The following ETV5 variants were observed in gnomAD, a reference collection of about 807,000 sequenced individuals.
ETV5 encodes ETS variant transcription factor 5.
Under a neutral mutation model 70.0 loss-of-function variants are expected in ETV5, and 10 were observed. That is an observed-to-expected ratio of 0.14 (90% confidence interval 0.09 to 0.24). The LOEUF is 0.24. Among genes scored for constraint, ETV5 ranks in the 10% least tolerant of loss-of-function variants. The pLI, the probability that ETV5 is intolerant of heterozygous loss-of-function variation, is 1.00. For synonymous variants in ETV5, 216 were observed against 242.2 expected, an observed-to-expected ratio of 0.89 and a Z score of 1.01; for missense variants, 453 against 651.2, an observed-to-expected ratio of 0.70 and a Z score of 3.31.
chr3:186,103,723 GCAAT>G (rs2108445856), intron 5 of ETV5, among the ~76,000 whole-genome samples: 1 of 151,642 alleles, frequency 6.6e-6, no homozygotes, highest in East Asian at 1.9e-4. Context: ...TCACTCGAAA[GCAAT>G]CAAAGGGCAA....
chr3:186,108,337 C>T (rs770012638), intron 1 of ETV5: 22 of 483,790 alleles, frequency 4.5e-5, no homozygotes, highest in Non-Finnish European at 8.3e-5. Flanking sequence ...GCCGCACAGC[C>T]GGACGCCCTC....
chr3:186,096,916 C>T (rs1714316098), intron 5 of ETV5, among the ~76,000 whole-genome samples: 1 of 151,964 alleles, frequency 6.6e-6, no homozygotes, highest in South Asian at 2.1e-4. Context: ...TGTGGTGGCT[C>T]GAACCTGTAA....
intron 5 of ETV5, among the ~76,000 whole-genome samples, chr3:186,092,622 C>CG (rs1310913494): frequency 6.6e-6 from 1 of 151,332 alleles, no homozygotes; most frequent in African/African-American, 2.4e-5. Context: ...TTTAAAGAGA[C>CG]GGGGTCTCAC....
At chr3:186,095,110 C>T (rs954930674) in intron 5 of ETV5, 2 of 152,140 alleles carry the variant, frequency 1.3e-5, no homozygotes, top group Non-Finnish European at 2.9e-5. Flanking sequence ...TAATACTCAA[C>T]CTGTAGAAAT....
At chr3:186,061,089 C>A (rs771190444) in intron 9 of ETV5, among the ~76,000 whole-genome samples, 1 of 152,136 alleles carries the variant, frequency 6.6e-6, no homozygotes, top group Non-Finnish European at 1.5e-5. Flanking sequence ...CAAGTGAGTG[C>A]GAAGCAGCTA....
At chr3:186,093,518 G>A (rs542922517) in intron 5 of ETV5, among the ~76,000 whole-genome samples, 2 of 152,296 alleles carry the variant, frequency 1.3e-5, no homozygotes, top group East Asian at 3.9e-4. Flanking sequence ...CAGCCAGAGA[G>A]CAGAACCAGC....
In ETV5 at chr3:186,078,032, CGGGCA is replaced by C. The variant is rs1713839862; in HGVS notation, c.650+1780_650+1784del. 2.8e-6 allele frequency: 3 copies of C among 1,057,702 alleles called. No homozygotes were observed. The Admixed American group carries it at 1.6e-4, about 57-fold the overall frequency. 65.5% of individuals were successfully genotyped at this position (1,057,702 alleles called of 1,614,324 possible). A position where few individuals can be genotyped will look rare whatever the true frequency, so the allele number is the denominator to read the frequency against. Reference sequence around the variant, plus strand: ...CCTCCTCTCTTCCTTTCAACACCCACGGGCAAATAACTCATCAATCCCAGGAATCC... The same window carrying C: ...CCTCCTCTCTTCCTTTCAACACCCACAATAACTCATCAATCCCAGGAATCC... On this transcript the variant is annotated intron_variant, in intron 7 of 12. Transcript: ENST00000306376.
chr3:186,091,988 G>C (rs1714192984), intron 5 of ETV5, among the ~76,000 whole-genome samples: 1 of 152,196 alleles, frequency 6.6e-6, no homozygotes, highest in African/African-American at 2.4e-5. Context: ...AGATGAGGTT[G>C]TATCAAGTGT....
At chr3:186,060,363 A>T (rs1189186544) in intron 9 of ETV5, among the ~76,000 whole-genome samples, 1 of 152,228 alleles carries the variant, frequency 6.6e-6, no homozygotes, top group Non-Finnish European at 1.5e-5. Flanking sequence ...CCTCTACACC[A>T]TCTGGAAGAT....
In ETV5 at chr3:186,052,784, C is replaced by A. The variant is rs1397125569; in HGVS notation, c.1210-653G>T. Among the ~76,000 whole-genome samples the A allele has an allele frequency of 1.3e-5, 2 of 152,158 alleles. No individual in the cohort carries two copies. Among genetic ancestry groups the A allele is most frequent in the East Asian group, 3.9e-4 (2 of 5,180 alleles). On this transcript the variant is annotated intron_variant, in intron 11 of 12. Transcript: ENST00000306376. The surrounding 1 kb of genome is among the most constrained non-coding windows in gnomAD (Gnocchi z 4.5). The stretch of plus-strand genomic sequence containing the variant: ...CAAACAGTTCTGAAATGCATTATAT[C>A]CAACCCAGTCCACCTGAGGCACACT...
intron 5 of ETV5, among the ~76,000 whole-genome samples, chr3:186,092,087 C>A (rs192355573): frequency 2.0e-5 from 3 of 152,252 alleles, no homozygotes; most frequent in Admixed American, 1.3e-4. Flanking sequence ...TTAAAAAATG[C>A]TAGGCACCTT....
chr3:186,075,860 GT>G (rs1713771498), intron 7 of ETV5, among the ~76,000 whole-genome samples: 1 of 152,240 alleles, frequency 6.6e-6, no homozygotes, highest in Non-Finnish European at 1.5e-5. Context: ...AGAAAGCAGT[GT>G]ATTCCAAAAT....
intron 5 of ETV5, 54 bp from the exon 6 acceptor site, chr3:186,081,229 G>A: frequency 6.5e-7 from 1 of 1,543,412 alleles, no homozygotes; most frequent in South Asian, 1.2e-5. Flanking sequence ...CTGATTAACA[G>A]GGAGCACAAT....
intron 12 of ETV5, among the ~76,000 whole-genome samples, chr3:186,049,512 G>A (rs948889557): frequency 6.6e-6 from 1 of 152,152 alleles, no homozygotes; most frequent in Non-Finnish European, 1.5e-5. Context: ...CTGCGTCAAT[G>A]GGATCACCTT....
intron 12 of ETV5, among the ~76,000 whole-genome samples, chr3:186,051,747 T>G (rs1170261333): frequency 2.0e-5 from 3 of 152,204 alleles, no homozygotes; most frequent in Non-Finnish European, 1.5e-5. Flanking sequence ...TTCTGGAAAT[T>G]TCTATATATA....
At chr3:186,082,880 A>C (rs1713965648) in intron 5 of ETV5, among the ~76,000 whole-genome samples, 1 of 152,276 alleles carries the variant, frequency 6.6e-6, no homozygotes, top group Non-Finnish European at 1.5e-5. Flanking sequence ...ATGTTGCTGC[A>C]AAGTCTTGCC....
At chr3:186,050,018 A>C (rs1454988934) in intron 12 of ETV5, among the ~76,000 whole-genome samples, 1 of 152,200 alleles carries the variant, frequency 6.6e-6, no homozygotes, top group East Asian at 1.9e-4. Flanking sequence ...CCGACGGGCT[A>C]TCATTCACCT....
chr3:186,097,171 G>A lies in ETV5; in HGVS notation c.232+8134C>T, dbSNP rs1714325498. On this transcript the variant is annotated intron_variant, in intron 5 of 12. Transcript: ENST00000306376. ...ACTTCCAAGGATGTTCATTTTGGGA[G>A]GCAATGCATTTGATTAGTGTCCAGT... Among the ~76,000 whole-genome samples, 3 of 152,154 alleles carry A rather than the reference G, an allele frequency of 2.0e-5. No homozygotes were observed. The South Asian group carries it at 6.2e-4, about 32-fold the overall frequency.
intron 5 of ETV5, among the ~76,000 whole-genome samples, chr3:186,086,405 AG>A (rs1714059120): frequency 6.6e-6 from 1 of 152,232 alleles, no homozygotes; most frequent in African/African-American, 2.4e-5. Context: ...CAATGCAATA[AG>A]GCAAGAATAA....
Sources: allele counts gnomAD v4.1 joint callset (sites outside exome capture counted in the v4.1 genomes callset), GRCh38; gene constraint gnomAD v4.1.1; non-coding constraint Gnocchi (gnomAD v3.1); transcripts MANE v1.5; gene names NCBI Gene and HGNC (gene_info 2026-07-23, HGNC 2026-07-21).